CLSTN1: variants seen among roughly 807,000 people sequenced by gnomAD.
The protein encoded by CLSTN1 is calsyntenin-1.
Under a neutral mutation model 108.3 loss-of-function variants are expected in CLSTN1, and 28 were observed. The ratio of observed to expected loss-of-function variants is 0.26; its 90% CI spans 0.19 to 0.35. The LOEUF is 0.35. Ranked by LOEUF, CLSTN1 falls within the 10% of genes least tolerant of loss-of-function variation. CLSTN1 has a pLI of 1.00. For missense variants in CLSTN1, 1,157 were observed against 1,302.6 expected (o/e 0.89, Z 1.72); for synonymous variants, 524 against 534.9 (o/e 0.98, Z 0.28).
chr1:9,735,138 C>T lies in CLSTN1; in HGVS notation c.1920G>A (p.Pro640=), dbSNP rs188439237. The change falls in exon 14 of 19, where the codon CCG becomes CCA. Residue 640 remains proline (P), a synonymous_variant. Transcript: ENST00000377298. Reference sequence around the variant, plus strand: ...GTAAAACCATCACGTAGCCATCTACCGGGGGGACCGAAATGCAGGTGGCCT... The same window carrying T: ...GTAAAACCATCACGTAGCCATCTACTGGGGGGACCGAAATGCAGGTGGCCT... ...FNEATCISVP[P]VDGYVMVLQP... The T allele has an allele frequency of 6.8e-5, 109 of 1,614,150 alleles. No homozygotes were observed. Among genetic ancestry groups the T allele is most frequent in the Middle Eastern group, 6.6e-4 (4 of 6,062 alleles).
At chr1:9,821,194 G>A (rs991367733) in intron 1 of CLSTN1, among the ~76,000 whole-genome samples, 12 of 152,152 alleles carry the variant, frequency 7.9e-5, no homozygotes, top group African/African-American at 2.7e-4. Flanking sequence ...GTGCAGTGGC[G>A]CAATCTCGGC....
At chr1:9,800,912 C>T (rs971082145) in intron 1 of CLSTN1, among the ~76,000 whole-genome samples, 1 of 151,650 alleles carries the variant, frequency 6.6e-6, no homozygotes, top group Non-Finnish European at 1.5e-5. Context: ...GCACTCCAGC[C>T]TAGACAACAG....
In CLSTN1 at chr1:9,736,045, T is replaced by G; in HGVS notation, c.1577-3A>C. 3.1e-6 allele frequency: 5 copies of G among 1,614,052 alleles called. No individual in the cohort carries two copies. The highest frequency in any genetic ancestry group is 4.2e-6 in the Non-Finnish European group (5 of 1,179,996). ...CTGGGTCATGTGCAGGTCGCCACCT[T>G]TGGGTCAGGGGAGAAAAGGCGAAGT... On this transcript the variant is annotated splice_region_variant and splice_polypyrimidine_tract_variant and intron_variant, in intron 11 of 18. Coordinates refer to ENST00000377298, the MANE Select transcript of CLSTN1 (RefSeq NM_001009566.3).
In CLSTN1 at chr1:9,776,237, G is replaced by C. The variant is rs1652937987; in HGVS notation, c.92-2843C>G. On this transcript the variant is annotated intron_variant, in intron 1 of 18. Transcript: ENST00000377298. Reference sequence around the variant, plus strand: ...CCCACCTCGCCTCCCAAAGTGCTGGGATTACAGGCGTGAGCCACTGCGCCA... The same window carrying C: ...CCCACCTCGCCTCCCAAAGTGCTGGCATTACAGGCGTGAGCCACTGCGCCA... Among the ~76,000 whole-genome samples the C allele has an allele frequency of 2.0e-5, 3 of 152,108 alleles. 1 individual carries two copies. In the South Asian group the frequency reaches 6.2e-4, roughly 32 times the overall value.
chr1:9,779,889 T>G (rs894790659), intron 1 of CLSTN1, among the ~76,000 whole-genome samples: 4 of 151,992 alleles, frequency 2.6e-5, no homozygotes, highest in African/African-American at 9.7e-5. Flanking sequence ...CACTCTGTGG[T>G]CCAGGCTGAA....
intron 1 of CLSTN1, among the ~76,000 whole-genome samples, chr1:9,777,028 C>A (rs1195688097): frequency 1.3e-5 from 2 of 151,844 alleles, no homozygotes; most frequent in Non-Finnish European, 2.9e-5. Context: ...ACCAGCCTGG[C>A]CAACATGGTG....
intron 2 of CLSTN1, among the ~76,000 whole-genome samples, chr1:9,765,524 A>C (rs948560585): frequency 2.6e-5 from 4 of 151,840 alleles, no homozygotes; most frequent in African/African-American, 9.7e-5. Context: ...TCTACTAAAA[A>C]TACAAAAATT....
At chr1:9,810,833 T>C (rs1192847838) in intron 1 of CLSTN1, among the ~76,000 whole-genome samples, 6 of 152,102 alleles carry the variant, frequency 3.9e-5, no homozygotes, top group Non-Finnish European at 7.4e-5. Context: ...ATCTAAACTG[T>C]TGACCACATC....
chr1:9,754,387 C>T (rs988731537), intron 4 of CLSTN1, among the ~76,000 whole-genome samples: 1 of 151,870 alleles, frequency 6.6e-6, no homozygotes, highest in African/African-American at 2.4e-5. Context: ...TGGTGAAACC[C>T]GTCTCTACTA....
rs145231153 is a variant in CLSTN1 at position 9,747,253 on chromosome 1, T to C, written c.985+2208A>G. ...AAATTATTTCTATTCTTCCTAACTT[T>C]ATTCTGCTGAAAAAAAATTCACTTA... On this transcript the variant is annotated intron_variant, in intron 7 of 18. Transcript: ENST00000377298. Among the ~76,000 whole-genome samples the C allele has an allele frequency of 4.7e-3, 717 of 151,638 alleles. 3 individuals carry two copies. Among genetic ancestry groups the C allele is most frequent in the African/African-American group, 0.016 (644 of 41,334 alleles).
Position 9,787,472 on chromosome 1 carries a change from C to T in CLSTN1, c.92-14078G>A, listed in dbSNP as rs907862271. Reference sequence around the variant, plus strand: ...AGCCTGGAGTGCAGTGGTGTGATCTCGGCTCACTGCAAGCTCCGCCTCCCG... The same window carrying T: ...AGCCTGGAGTGCAGTGGTGTGATCTTGGCTCACTGCAAGCTCCGCCTCCCG... On this transcript the variant is annotated intron_variant, in intron 1 of 18. Coordinates refer to ENST00000377298, the MANE Select transcript of CLSTN1 (RefSeq NM_001009566.3). Among the ~76,000 whole-genome samples the T allele has an allele frequency of 1.3e-4, 19 of 141,606 alleles. 1 individual carries two copies. Among genetic ancestry groups the T allele is most frequent in the South Asian group, 4.9e-4 (2 of 4,086 alleles). The allele number at this position is 141,606 out of a possible 152,430, so 92.9% of individuals were successfully genotyped here. A position where few individuals can be genotyped will look rare whatever the true frequency, so the allele number is the denominator to read the frequency against.
Position 9,816,050 on chromosome 1 carries a change from G to A in CLSTN1, c.91+7593C>T, listed in dbSNP as rs7516982. On this transcript the variant is annotated intron_variant, in intron 1 of 18. Transcript: ENST00000377298. ...AAAACATATGTCCACACAAATTCCT[G>A]TACAAAAATGTTCATAGTAATATTT... Among the ~76,000 whole-genome samples, 869 of 152,210 alleles carry A rather than the reference G, an allele frequency of 5.7e-3. 9 individuals are homozygous for A. Among genetic ancestry groups the A allele is most frequent in the Middle Eastern group, 0.02 (6 of 294 alleles).
In CLSTN1 at chr1:9,731,515, C is replaced by T. The variant is rs1173581276; in HGVS notation, c.2564-125G>A. ...GCACGCTTCAGCTGAACCCACAGGC[C>T]AGGAGGAAATACCAGGAAAAGCTCG... On this transcript the variant is annotated intron_variant, in intron 17 of 18. Transcript: ENST00000377298. 4 of 1,121,576 alleles carry T rather than the reference C, an allele frequency of 3.6e-6. No individual in the cohort carries two copies. The African/African-American group carries it at 4.7e-5, about 13-fold the overall frequency. 69.5% of individuals were successfully genotyped at this position (1,121,576 alleles called of 1,614,324 possible).
chr1:9,798,949 G>A (rs1265583304), intron 1 of CLSTN1, among the ~76,000 whole-genome samples: 1 of 152,090 alleles, frequency 6.6e-6, no homozygotes, highest in African/African-American at 2.4e-5. Context: ...GGGAGGGCGG[G>A]GCAGGAGGAT....
chr1:9,734,746 G>GT lies in CLSTN1; in HGVS notation c.2110+201dup, dbSNP rs1459894816. On this transcript the variant is annotated intron_variant, in intron 14 of 18. Transcript: ENST00000377298. The surrounding 1 kb of genome is among the most constrained non-coding windows in gnomAD (Gnocchi z 4.8). ...AGCCTGGCAGCAACCAGGAAAAGAT[G>GT]TAAGACCCCTCCAGATGGGATTCCA... 2.6e-5 allele frequency among the ~76,000 whole-genome samples: 4 copies of GT among 152,116 alleles called. No homozygotes were observed. Among genetic ancestry groups the GT allele is most frequent in the Non-Finnish European group, 4.4e-5 (3 of 68,028 alleles).
intron 1 of CLSTN1, among the ~76,000 whole-genome samples, chr1:9,803,103 A>G (rs567728067): frequency 2.6e-5 from 4 of 152,142 alleles, no homozygotes; most frequent in Non-Finnish European, 4.4e-5. Context: ...GATTACAGGC[A>G]TAAGCCACCA....
At chr1:9,800,007 G>A (rs772400393) in intron 1 of CLSTN1, among the ~76,000 whole-genome samples, 50 of 152,014 alleles carry the variant, frequency 3.3e-4, no homozygotes, top group Non-Finnish European at 6.3e-4. Context: ...AAATATCGAG[G>A]AGTTTTAAAA....
At chr1:9,810,935 GTATGA>G (rs1192084469) in intron 1 of CLSTN1, among the ~76,000 whole-genome samples, 27 of 152,026 alleles carry the variant, frequency 1.8e-4, no homozygotes, top group African/African-American at 6.0e-4. Context: ...TCACAACAAT[GTATGA>G]TATACTTTAT....
intron 1 of CLSTN1, among the ~76,000 whole-genome samples, chr1:9,803,209 G>T (rs1654360232): frequency 6.6e-6 from 1 of 152,094 alleles, no homozygotes; most frequent in African/African-American, 2.4e-5. Context: ...GATTCTAAAA[G>T]CAAAGGATTC....
Sources: gnomAD v4.1 joint callset for allele counts (sites outside exome capture counted in the v4.1 genomes callset) on GRCh38, gnomAD v4.1.1 for gene constraint, Gnocchi (gnomAD v3.1) non-coding constraint, MANE v1.5 for transcripts, NCBI Gene and HGNC (gene_info 2026-07-23, HGNC 2026-07-21) for gene names.